The following CDH8 variants were observed in gnomAD, a reference collection of about 807,000 sequenced individuals.
CDH8 encodes the protein cadherin-8.
In CDH8, 17 loss-of-function variants were observed where a neutral mutation model predicts 68.1. That is an observed-to-expected ratio of 0.25 (90% CI 0.17 to 0.37). The LOEUF (loss-of-function observed/expected upper bound fraction) is 0.37. Ranked by LOEUF, CDH8 falls within the 10% of genes least tolerant of loss-of-function variation. The pLI, the probability that CDH8 is intolerant of heterozygous loss-of-function variation, is 1.00. For missense variants in CDH8, 763 were observed against 999.3 expected (o/e 0.76, Z 3.19); for synonymous variants, 372 against 365.1 (o/e 1.02, Z -0.21).
In CDH8 at chr16:61,789,413, C is replaced by A. The variant is rs1361824112; in HGVS notation, c.1347G>T (p.Thr449=). 1 of 1,612,994 alleles carries A rather than the reference C, an allele frequency of 6.2e-7. No individual in the cohort carries two copies. Among genetic ancestry groups the A allele is most frequent in the Non-Finnish European group, 8.5e-7 (1 of 1,179,236 alleles). ...ATTCTCTGTCAAGTGGTGTTGCCAGCGTTATCTTCCCATCGTCTGCATTAA... is the reference window on the plus strand; with the variant it reads ...ATTCTCTGTCAAGTGGTGTTGCCAGAGTTATCTTCCCATCGTCTGCATTAA... ...FNINADDGKI[T]LATPLDRELS... Residue 449 remains threonine (T), a synonymous_variant, in exon 8 of 12, where the codon ACG becomes ACT. Coordinates refer to ENST00000577390, the MANE Select transcript of CDH8 (RefSeq NM_001796.5).
rs1209556190 is a variant in CDH8 at position 61,649,249 on chromosome 16, C to A, written c.*4359G>T. 1 of 151,816 alleles carries A rather than the reference C, an allele frequency of 6.6e-6. No homozygotes were observed. The highest frequency in any genetic ancestry group is 1.9e-4 in the East Asian group (1 of 5,158). The allele number at this position is 151,816 out of a possible 1,614,324, so 9.4% of individuals were successfully genotyped here. On this transcript the variant is annotated 3_prime_UTR_variant, in exon 12 of 12. Coordinates refer to ENST00000577390, the MANE Select transcript of CDH8 (RefSeq NM_001796.5). ...CATTATTCTGTTCACAAATAAAAAG[C>A]TGCTTTTAAAACCCTTTACCCTCAA...
At chr16:61,811,603 G>T (rs1961950908) in intron 7 of CDH8, among the ~76,000 whole-genome samples, 1 of 152,080 alleles carries the variant, frequency 6.6e-6, no homozygotes, top group South Asian at 2.1e-4. Context: ...GCACTCCTAT[G>T]TTCATAGTAT....
intron 9 of CDH8, among the ~76,000 whole-genome samples, chr16:61,722,420 A>G (rs1262738380): frequency 6.6e-6 from 1 of 150,812 alleles, no homozygotes; most frequent in Non-Finnish European, 1.5e-5. Flanking sequence ...TATTTTATTC[A>G]TTCTATTCTT....
chr16:61,775,632 T>C (rs1960882032), intron 8 of CDH8, among the ~76,000 whole-genome samples: 2 of 152,060 alleles, frequency 1.3e-5, no homozygotes, highest in Non-Finnish European at 2.9e-5. Context: ...TGCTGCATCT[T>C]GTAACATTGA....
chr16:61,730,412 T>C (rs1408453522), intron 8 of CDH8, among the ~76,000 whole-genome samples: 1 of 151,506 alleles, frequency 6.6e-6, no homozygotes, highest in Non-Finnish European at 1.5e-5. Flanking sequence ...TTTTCAATTA[T>C]CATCTTTCTT....
At chr16:61,863,984 C>G (rs1642153420) in intron 3 of CDH8, among the ~76,000 whole-genome samples, 1 of 152,166 alleles carries the variant, frequency 6.6e-6, no homozygotes, top group African/African-American at 2.4e-5. Flanking sequence ...CTCCTCTCAT[C>G]CTTATTAATT....
At chr16:61,766,334 G>A (rs1960589730) in intron 8 of CDH8, among the ~76,000 whole-genome samples, 1 of 151,930 alleles carries the variant, frequency 6.6e-6, no homozygotes, top group Non-Finnish European at 1.5e-5. Flanking sequence ...TTTTATGGCT[G>A]AGTAGTATTC....
chr16:61,821,643 T>C (rs1824285168), intron 5 of CDH8, among the ~76,000 whole-genome samples: 1 of 152,012 alleles, frequency 6.6e-6, no homozygotes, highest in African/African-American at 2.4e-5. Context: ...AGCAAGCTGT[T>C]CAGACACATG....
intron 2 of CDH8, among the ~76,000 whole-genome samples, chr16:61,984,494 G>T (rs1965594034): frequency 6.8e-6 from 1 of 146,442 alleles, no homozygotes; most frequent in African/African-American, 2.5e-5. Context: ...CTCACTATGT[G>T]TGCCCAGGTT....
chr16:61,901,588 C>G, intron 2 of CDH8, 115 bp from the exon 3 acceptor site: 1 of 668,086 alleles, frequency 1.5e-6, no homozygotes, highest in Non-Finnish European at 2.6e-6. Context: ...TCAATTTCTG[C>G]TAATAGTAGC....
chr16:61,675,289 A>C (rs925530914), intron 10 of CDH8, among the ~76,000 whole-genome samples: 1 of 151,938 alleles, frequency 6.6e-6, no homozygotes, highest in Non-Finnish European at 1.5e-5. Flanking sequence ...ATGAGTTCAT[A>C]TCCTTTGTAG....
At chr16:61,961,861 G>A (rs1428191945) in intron 2 of CDH8, among the ~76,000 whole-genome samples, 1 of 152,092 alleles carries the variant, frequency 6.6e-6, no homozygotes, top group East Asian at 1.9e-4. Flanking sequence ...AACAATACAA[G>A]GATTAGGGGT....
chr16:61,690,172 G>A (rs1209798342), intron 10 of CDH8, among the ~76,000 whole-genome samples: 1 of 152,040 alleles, frequency 6.6e-6, no homozygotes, highest in Non-Finnish European at 1.5e-5. Flanking sequence ...AAGCTGCCTG[G>A]GTCAAGAGCA....
intron 2 of CDH8, among the ~76,000 whole-genome samples, chr16:61,932,382 A>T (rs1382551567): frequency 6.6e-6 from 1 of 152,208 alleles, no homozygotes; most frequent in African/African-American, 2.4e-5. Context: ...TGTACTCTAA[A>T]GGTGTGTTAA....
chr16:61,991,497 A>G (rs1965720575), intron 2 of CDH8, among the ~76,000 whole-genome samples: 1 of 152,202 alleles, frequency 6.6e-6, no homozygotes, highest in Non-Finnish European at 1.5e-5. Context: ...AGTTTACAAA[A>G]TGCTTGCACA....
intron 8 of CDH8, among the ~76,000 whole-genome samples, chr16:61,787,654 C>T (rs1285848219): frequency 6.5e-5 from 9 of 138,240 alleles, no homozygotes; most frequent in East Asian, 2.1e-4. Context: ...ATGTTTATTG[C>T]GGCATTATTC....
intron 8 of CDH8, among the ~76,000 whole-genome samples, chr16:61,763,991 TCAAAGATAA>T (rs1960529899): frequency 6.6e-6 from 1 of 152,158 alleles, no homozygotes; most frequent in Admixed American, 6.6e-5. Context: ...CCTTGGATAT[TCAAAGATAA>T]ATAATTTAGG....
chr16:62,026,095 C>A (rs566237434), intron 1 of CDH8, among the ~76,000 whole-genome samples: 1 of 152,230 alleles, frequency 6.6e-6, no homozygotes, highest in East Asian at 1.9e-4. Context: ...AGAAAAAATT[C>A]TGATTTGTAA....
chr16:61,756,538 A>C (rs2142958902), intron 8 of CDH8, among the ~76,000 whole-genome samples: 1 of 152,282 alleles, frequency 6.6e-6, no homozygotes, highest in South Asian at 2.1e-4. Context: ...AATAACTGGA[A>C]ATTGTAATTA....
Sources: allele counts gnomAD v4.1 joint callset (sites outside exome capture counted in the v4.1 genomes callset), GRCh38; gene constraint gnomAD v4.1.1; transcripts MANE v1.5; gene names NCBI Gene and HGNC (gene_info 2026-07-23, HGNC 2026-07-21).